COL10A1: variants seen among roughly 807,000 people sequenced by gnomAD.
COL10A1 encodes the protein collagen alpha-1(X) chain.
A neutral mutation model predicts 18.2 loss-of-function variants in COL10A1; 10 were observed. That is an observed-to-expected ratio of 0.55 (90% CI 0.34 to 0.93). The LOEUF is 0.93. COL10A1 is among the 40% of genes least tolerant of loss of function. The pLI, the probability that COL10A1 is intolerant of heterozygous loss-of-function variation, is 0.02. For synonymous variants in COL10A1, 330 were observed against 316.6 expected, an observed-to-expected ratio of 1.04 and a Z score of -0.45; for missense variants, 897 against 853.5, an observed-to-expected ratio of 1.05 and a Z score of -0.64.
the COL10A1 span, among the ~76,000 whole-genome samples, chr6:116,184,789 C>A: frequency 6.6e-6 from 1 of 151,890 alleles, no homozygotes; most frequent in South Asian, 2.1e-4. Context: ...TAGTTATTCT[C>A]ACTAATGGTC....
At chr6:116,143,552 T>G (rs1779818126) in intron 1 of COL10A1, among the ~76,000 whole-genome samples, 1 of 152,182 alleles carries the variant, frequency 6.6e-6, no homozygotes, top group African/African-American at 2.4e-5. Context: ...GTTGAATTTG[T>G]TCTACTACTT....
chr6:116,145,557 T>G (rs530467173), intron 1 of COL10A1: 6 of 257,692 alleles, frequency 2.3e-5, no homozygotes, highest in African/African-American at 1.3e-4. Flanking sequence ...TGTCATCTTA[T>G]GGATTATTCT....
chr6:116,121,571 G>A lies in COL10A1; in HGVS notation c.545C>T (p.Pro182Leu), dbSNP rs1021780104. The change falls in exon 3 of 3, where the codon CCT (proline) becomes CTT (leucine). Residue 182 changes from proline (P) to leucine (L), a missense_variant. Transcript: ENST00000651968. ...TTCCCCTTTCTGTCCATTCATACCA[G>A]GGACTCCTGGTGCACCCTTTTCTCC... ...FPGEKGAPGV[P>L]GMNGQKGEMG... The A allele has an allele frequency of 2.5e-6, 4 of 1,613,958 alleles. No individual in the cohort carries two copies. The highest frequency in any genetic ancestry group is 2.7e-5 in the African/African-American group (2 of 74,878).
chr6:116,140,184 A>G (rs1779731623), intron 1 of COL10A1, among the ~76,000 whole-genome samples: 2 of 152,166 alleles, frequency 1.3e-5, no homozygotes, highest in African/African-American at 2.4e-5. Flanking sequence ...GCTCTCAGGT[A>G]TTTTCAAGTA....
At position 116,125,440 on chromosome 6, in the gene COL10A1, C is replaced by G. The variant is rs111033551; in HGVS notation, c.53G>C (p.Gly18Ala). The G allele has an allele frequency of 6.2e-7, 1 of 1,613,660 alleles. No homozygotes were observed. The highest frequency in any genetic ancestry group is 8.5e-7 in the Non-Finnish European group (1 of 1,179,862). The part of the protein sequence containing the change: ...LLLVSLNLVH[G>A]VFYAERYQMP... The stretch of plus-strand genomic sequence containing the variant: ...TTGGTATCGTTCAGCGTAAAACACT[C>G]CATGAACCAAGTTCAAGGATACTAG... The change falls in exon 2 of 3, where the codon GGA (glycine) becomes GCA (alanine). Residue 18 changes from glycine (G) to alanine (A), a missense_variant. Transcript: ENST00000651968.
the COL10A1 span, among the ~76,000 whole-genome samples, chr6:116,166,931 G>A: frequency 6.6e-6 from 1 of 152,122 alleles, no homozygotes; most frequent in Non-Finnish European, 1.5e-5. Flanking sequence ...AGCCAAGGAA[G>A]TATCTTGCCT....
At chr6:116,180,376 CT>C in the COL10A1 span, among the ~76,000 whole-genome samples, 1 of 151,964 alleles carries the variant, frequency 6.6e-6, no homozygotes, top group South Asian at 2.1e-4. Context: ...AGAATTCCAG[CT>C]TTTAAAAAAT....
chr6:116,157,705 G>T (rs1271583188), intron 1 of COL10A1, among the ~76,000 whole-genome samples: 1 of 151,998 alleles, frequency 6.6e-6, no homozygotes, highest in East Asian at 1.9e-4. Context: ...AAAAACAGTT[G>T]AACTAAATTA....
chr6:116,139,433 T>C (rs1329879549), intron 1 of COL10A1, among the ~76,000 whole-genome samples: 3 of 152,174 alleles, frequency 2.0e-5, no homozygotes. Context: ...TCCACCTATT[T>C]GTATACTTTT....
intron 1 of COL10A1, among the ~76,000 whole-genome samples, chr6:116,156,390 A>G (rs1780194273): frequency 6.6e-6 from 1 of 152,134 alleles, no homozygotes; most frequent in Non-Finnish European, 1.5e-5. Flanking sequence ...AATACTATGT[A>G]GGCACTTTGA....
chr6:116,167,624 CCTT>C, the COL10A1 span, among the ~76,000 whole-genome samples: 1 of 152,068 alleles, frequency 6.6e-6, no homozygotes, highest in Non-Finnish European at 1.5e-5. Flanking sequence ...TTTTTTACTT[CCTT>C]CTTTTCTTAC....
At chr6:116,185,643 C>T in the COL10A1 span, among the ~76,000 whole-genome samples, 4 of 151,902 alleles carry the variant, frequency 2.6e-5, no homozygotes, top group East Asian at 1.9e-4. Context: ...TTCTAACTGC[C>T]GTTGCTTTAA....
At chr6:116,125,568 A>T (rs1779277127) in intron 1 of COL10A1, 61 bp from the exon 2 acceptor site, 1 of 1,489,506 alleles carries the variant, frequency 6.7e-7, no homozygotes, top group Non-Finnish European at 9.3e-7. Context: ...TTTTATTCTC[A>T]TGTTTCACAG....
chr6:116,211,713 T>C, the COL10A1 span, among the ~76,000 whole-genome samples: 1 of 152,080 alleles, frequency 6.6e-6, no homozygotes, highest in Admixed American at 6.6e-5. Context: ...TTACAGAGAA[T>C]TTCCTTTTTC....
chr6:116,167,873 T>G, the COL10A1 span, among the ~76,000 whole-genome samples: 1 of 152,138 alleles, frequency 6.6e-6, no homozygotes, highest in African/African-American at 2.4e-5. Context: ...TTTCTGAAAA[T>G]TTTTTTATTT....
chr6:116,136,174 T>A (rs1267057553), intron 1 of COL10A1, among the ~76,000 whole-genome samples: 1 of 152,064 alleles, frequency 6.6e-6, no homozygotes, highest in Non-Finnish European at 1.5e-5. Context: ...CACGTATGAG[T>A]GAGATCATGC....
At chr6:116,126,355 C>T (rs186350913), upstream of COL10A1, among the ~76,000 whole-genome samples, 398 of 151,918 alleles carry the variant, frequency 2.6e-3, 10 homozygotes, top group South Asian at 0.044. Context: ...AACCAAGGAC[C>T]GTCTTTGTCT....
At chr6:116,200,540 A>G in the COL10A1 span, among the ~76,000 whole-genome samples, 1 of 152,042 alleles carries the variant, frequency 6.6e-6, no homozygotes, top group Non-Finnish European at 1.5e-5. Flanking sequence ...ATCTAAAACT[A>G]CTAAAATTAA....
At chr6:116,160,632 C>T (rs1037787275), upstream of COL10A1, among the ~76,000 whole-genome samples, 10 of 152,086 alleles carry the variant, frequency 6.6e-5, no homozygotes, top group African/African-American at 2.4e-4. Flanking sequence ...AATTAAGTCC[C>T]ATTTGTCTAC....
Sources: allele counts gnomAD v4.1 joint callset (sites outside exome capture counted in the v4.1 genomes callset), GRCh38; gene constraint gnomAD v4.1.1; transcripts MANE v1.5; gene names NCBI Gene and HGNC (gene_info 2026-07-23, HGNC 2026-07-21).